The following KCNIP4 variants were observed in gnomAD, a reference collection of about 807,000 sequenced individuals.
KCNIP4 encodes potassium voltage-gated channel interacting protein 4, also known as Kv channel-interacting protein 4.
A neutral mutation model predicts 34.0 loss-of-function variants in KCNIP4; 12 were observed. That is an observed-to-expected ratio of 0.35 (90% CI 0.23 to 0.57). KCNIP4 has a LOEUF of 0.57. Ranked by LOEUF, KCNIP4 falls within the 20% of genes least tolerant of loss-of-function variation. The pLI, the probability that KCNIP4 is intolerant of heterozygous loss-of-function variation, is 0.83. For missense variants in KCNIP4, 238 were observed against 311.7 expected, an observed-to-expected ratio of 0.76 and a Z score of 1.78; for synonymous variants, 124 against 102.2, an observed-to-expected ratio of 1.21 and a Z score of -1.29.
chr4:21,783,994 T>C (rs1719739419), intron 1 of KCNIP4, among the ~76,000 whole-genome samples: 1 of 152,192 alleles, frequency 6.6e-6, no homozygotes, highest in African/African-American at 2.4e-5. Context: ...CACACTGCTA[T>C]AAAGATACTA....
At chr4:21,165,576 T>C (rs1753572701) in intron 1 of KCNIP4, among the ~76,000 whole-genome samples, 1 of 151,496 alleles carries the variant, frequency 6.6e-6, no homozygotes, top group Non-Finnish European at 1.5e-5. Flanking sequence ...GATCTAAATA[T>C]AAAATGATAC....
At chr4:21,835,244 CA>C (rs751639418) in intron 1 of KCNIP4, among the ~76,000 whole-genome samples, 1 of 151,908 alleles carries the variant, frequency 6.6e-6, no homozygotes, top group Non-Finnish European at 1.5e-5. Flanking sequence ...AGTGAAAAGA[CA>C]AACCAGAGAC....
At chr4:21,070,811 G>A (rs1447635057) in intron 1 of KCNIP4, among the ~76,000 whole-genome samples, 3 of 151,242 alleles carry the variant, frequency 2.0e-5, no homozygotes, top group Admixed American at 2.0e-4. Flanking sequence ...GAGTAGCTGG[G>A]ACTATAGGCG....
Position 21,026,820 on chromosome 4 carries a change from C to T in KCNIP4, c.62-144111G>A, listed in dbSNP as rs1740596394. On this transcript the variant is annotated intron_variant, in intron 1 of 8. Transcript: ENST00000382152. Reference sequence around the variant, plus strand: ...GTAAAGGCAGACTAAGAATATGAAACAGCATCTGAGGTGGAGGTGACAATG... The same window carrying T: ...GTAAAGGCAGACTAAGAATATGAAATAGCATCTGAGGTGGAGGTGACAATG... 2.0e-5 allele frequency among the ~76,000 whole-genome samples: 3 copies of T among 152,218 alleles called. No individual in the cohort carries two copies. In the South Asian group the frequency reaches 6.2e-4, roughly 32 times the overall value.
At chr4:21,021,532 T>C (rs941763571) in intron 1 of KCNIP4, among the ~76,000 whole-genome samples, 7 of 152,152 alleles carry the variant, frequency 4.6e-5, no homozygotes, top group Non-Finnish European at 1.0e-4. Flanking sequence ...TTTCTTTCTT[T>C]ATATTCTTAT....
chr4:21,735,180 G>A (rs1715897176), intron 1 of KCNIP4, among the ~76,000 whole-genome samples: 1 of 151,828 alleles, frequency 6.6e-6, no homozygotes, highest in African/African-American at 2.4e-5. Context: ...AGCCATAATG[G>A]GGCAAGTACC....
chr4:21,652,727 AAGATCACCAAAG>A (rs1242280516), intron 1 of KCNIP4, among the ~76,000 whole-genome samples: 1 of 152,194 alleles, frequency 6.6e-6, no homozygotes, highest in Non-Finnish European at 1.5e-5. Flanking sequence ...CGGAGGCCAA[AAGATCACCAAAG>A]AGATCACCAA....
chr4:21,685,973 T>A (rs996158031), intron 1 of KCNIP4, among the ~76,000 whole-genome samples: 1 of 152,238 alleles, frequency 6.6e-6, no homozygotes, highest in East Asian at 1.9e-4. Context: ...AAAACTGATC[T>A]TTAAAGTTCT....
chr4:21,916,415 C>T (rs558908047), intron 1 of KCNIP4, among the ~76,000 whole-genome samples: 1 of 152,262 alleles, frequency 6.6e-6, no homozygotes, highest in South Asian at 2.1e-4. Context: ...CAATCTCAGA[C>T]TATTCTTCAC....
chr4:21,385,455 G>A (rs1427845061), intron 1 of KCNIP4, among the ~76,000 whole-genome samples: 16 of 152,218 alleles, frequency 1.1e-4, no homozygotes, highest in Admixed American at 6.5e-5. Flanking sequence ...CTCCCATACC[G>A]GAATGCCTGT....
intron 1 of KCNIP4, among the ~76,000 whole-genome samples, chr4:21,377,744 G>A (rs969261324): frequency 9.2e-5 from 14 of 152,322 alleles, no homozygotes; most frequent in South Asian, 2.1e-4. Context: ...TTCAGAAAGT[G>A]AGAAAAGCAC....
intron 1 of KCNIP4, among the ~76,000 whole-genome samples, chr4:21,685,573 G>A (rs1188315630): frequency 1.3e-5 from 2 of 152,078 alleles, no homozygotes; most frequent in African/African-American, 2.4e-5. Flanking sequence ...ATCAGTACGT[G>A]GACCAATTAG....
intron 1 of KCNIP4, among the ~76,000 whole-genome samples, chr4:21,275,778 C>T (rs1762400034): frequency 6.6e-6 from 1 of 152,064 alleles, no homozygotes; most frequent in South Asian, 2.1e-4. Flanking sequence ...TTTGTATGAA[C>T]GTTGTAGAAT....
At chr4:21,943,496 C>T (rs535094436) in intron 1 of KCNIP4, among the ~76,000 whole-genome samples, 1 of 152,098 alleles carries the variant, frequency 6.6e-6, no homozygotes, top group Admixed American at 6.5e-5. Context: ...CCCATAATGG[C>T]ACCACTGCAC....
chr4:21,842,941 T>A (rs1723773980), intron 1 of KCNIP4, among the ~76,000 whole-genome samples: 1 of 152,060 alleles, frequency 6.6e-6, no homozygotes, highest in Non-Finnish European at 1.5e-5. Context: ...CCTTGTAGAG[T>A]ACTTAGAACA....
chr4:20,865,188 A>G (rs908452527), intron 2 of KCNIP4, among the ~76,000 whole-genome samples: 4 of 152,218 alleles, frequency 2.6e-5, no homozygotes, highest in Admixed American at 2.0e-4. Context: ...ACTTAAACCC[A>G]AGCTTACTGA....
chr4:21,849,389 C>G (rs1724228300), intron 1 of KCNIP4: 1 of 152,078 alleles, frequency 6.6e-6, no homozygotes, highest in African/African-American at 2.4e-5. Context: ...AATGGCATCT[C>G]TTTCTATTAT....
chr4:21,067,940 A>G (rs369079440), intron 1 of KCNIP4, among the ~76,000 whole-genome samples: 5 of 152,222 alleles, frequency 3.3e-5, no homozygotes, highest in Admixed American at 3.3e-4. Context: ...AAATGAAAAT[A>G]TTCTGTTGCA....
intron 1 of KCNIP4, among the ~76,000 whole-genome samples, chr4:21,878,232 C>T (rs77681908): frequency 5.3e-5 from 8 of 152,166 alleles, no homozygotes; most frequent in East Asian, 1.9e-4. Context: ...CACACCACCA[C>T]GCACAGCTAA....
Sources: allele counts gnomAD v4.1 joint callset (sites outside exome capture counted in the v4.1 genomes callset), GRCh38; gene constraint gnomAD v4.1.1; transcripts MANE v1.5; gene names NCBI Gene and HGNC (gene_info 2026-07-23, HGNC 2026-07-21).